SCAPER: variants seen among roughly 807,000 people sequenced by gnomAD.
The protein encoded by SCAPER is S-phase cyclin A associated protein in the ER.
SCAPER carries 98 observed loss-of-function variants against 182.2 expected under a neutral mutation model. The ratio of observed to expected loss-of-function variants is 0.54; its 90% confidence interval spans 0.46 to 0.64. The LOEUF is 0.64. Among genes scored for constraint, SCAPER ranks in the 30% least tolerant of loss-of-function variants. SCAPER has a pLI of 0.00. For synonymous variants in SCAPER, 605 were observed against 564.6 expected, an observed-to-expected ratio of 1.07 and a Z score of -1.01; for missense variants, 1,432 against 1,690.0, an observed-to-expected ratio of 0.85 and a Z score of 2.68.
chr15:76,819,730 C>T (rs902061304), intron 5 of SCAPER, among the ~76,000 whole-genome samples: 31 of 152,274 alleles, frequency 2.0e-4, no homozygotes, highest in Non-Finnish European at 2.8e-4. Flanking sequence ...CAAAGCTGGA[C>T]GGAGAATGAC....
chr15:76,894,699 G>A (rs1223994647), intron 1 of SCAPER, among the ~76,000 whole-genome samples: 2 of 151,926 alleles, frequency 1.3e-5, no homozygotes, highest in Non-Finnish European at 2.9e-5. Context: ...AAATGTAAGA[G>A]GAAACATTAC....
intron 26 of SCAPER, among the ~76,000 whole-genome samples, chr15:76,431,192 C>T (rs1048940069): frequency 1.6e-4 from 20 of 128,374 alleles, no homozygotes; most frequent in African/African-American, 6.2e-4. Flanking sequence ...AATACAGTTA[C>T]AATGTGCCAA....
intron 5 of SCAPER, among the ~76,000 whole-genome samples, chr15:76,822,628 T>G (rs1459776526): frequency 1.3e-5 from 2 of 152,232 alleles, no homozygotes; most frequent in Admixed American, 1.3e-4. Flanking sequence ...TACTGCACCA[T>G]TCACAATGAT....
intron 8 of SCAPER, among the ~76,000 whole-genome samples, chr15:76,789,139 T>C (rs903821153): frequency 1.1e-4 from 17 of 152,154 alleles, no homozygotes; most frequent in Admixed American, 1.0e-3. Flanking sequence ...TTAAATTATA[T>C]AATATCCAGT....
At chr15:76,749,272 A>G (rs1025471124) in intron 15 of SCAPER, among the ~76,000 whole-genome samples, 2 of 152,104 alleles carry the variant, frequency 1.3e-5, no homozygotes, top group African/African-American at 4.8e-5. Flanking sequence ...TTGACAAAAC[A>G]CCATGTGAAC....
chr15:76,738,199 G>A (rs2061371988), intron 15 of SCAPER, among the ~76,000 whole-genome samples: 1 of 151,970 alleles, frequency 6.6e-6, no homozygotes, highest in South Asian at 2.1e-4. Context: ...GAGTGCAGTG[G>A]CTCACTGCAG....
chr15:76,512,801 G>T (rs905126785), intron 23 of SCAPER, among the ~76,000 whole-genome samples: 1 of 148,254 alleles, frequency 6.7e-6, no homozygotes, highest in Non-Finnish European at 1.5e-5. Flanking sequence ...GCTATTCAGA[G>T]CCAACTTTTT....
At chr15:76,474,185 C>T (rs2143005545) in intron 24 of SCAPER, among the ~76,000 whole-genome samples, 1 of 152,228 alleles carries the variant, frequency 6.6e-6, no homozygotes, top group East Asian at 1.9e-4. Flanking sequence ...GGGGTAGGCT[C>T]CTGACATCTG....
intron 26 of SCAPER, among the ~76,000 whole-genome samples, chr15:76,413,729 G>T (rs911751588): frequency 6.6e-6 from 1 of 152,184 alleles, no homozygotes; most frequent in African/African-American, 2.4e-5. Flanking sequence ...GATTGTGGGG[G>T]TTTCCTCAGC....
chr15:76,800,413 A>C (rs1448435070), intron 6 of SCAPER, 49 bp from the exon 7 acceptor site: 2 of 1,173,824 alleles, frequency 1.7e-6, no homozygotes, highest in East Asian at 4.7e-5. Flanking sequence ...GAAAAGGGAG[A>C]AACAAATAAT....
At chr15:76,664,208 A>C (rs1241490944) in intron 21 of SCAPER, among the ~76,000 whole-genome samples, 2 of 152,182 alleles carry the variant, frequency 1.3e-5, no homozygotes, top group African/African-American at 4.8e-5. Context: ...TGCAGTGTTT[A>C]GAATATACAA....
intron 26 of SCAPER, among the ~76,000 whole-genome samples, chr15:76,408,212 T>C (rs8031672): frequency 0.84 from 128,248 of 152,158 alleles, 55,298 homozygotes; most frequent in Middle Eastern, 0.96. Context: ...TGAAAATGTA[T>C]GTATTTGTTG....
intron 8 of SCAPER, among the ~76,000 whole-genome samples, chr15:76,781,489 C>G (rs2064134531): frequency 6.6e-6 from 1 of 152,138 alleles, no homozygotes; most frequent in Non-Finnish European, 1.5e-5. Flanking sequence ...AGGAGAACTT[C>G]CCCAACCTAG....
intron 22 of SCAPER, among the ~76,000 whole-genome samples, chr15:76,581,212 T>G (rs1179706105): frequency 1.3e-5 from 2 of 152,206 alleles, no homozygotes; most frequent in Non-Finnish European, 2.9e-5. Context: ...GCTTCACTAC[T>G]GAGTTTAACC....
At chr15:76,853,018 TAAAA>T (rs2151839238) in intron 4 of SCAPER, among the ~76,000 whole-genome samples, 1 of 152,002 alleles carries the variant, frequency 6.6e-6, no homozygotes, top group East Asian at 1.9e-4. Flanking sequence ...CCCACAGAAA[TAAAA>T]ATAACCATCA....
chr15:76,746,380 T>G lies in SCAPER; in HGVS notation c.1866+7428A>C, dbSNP rs2061794449. Reference sequence around the variant, plus strand: ...AATCTGCACATGCAGAACCCACAGATACCAAGGCTCAACTGTATATGAAAA... The same window carrying G: ...AATCTGCACATGCAGAACCCACAGAGACCAAGGCTCAACTGTATATGAAAA... On this transcript the variant is annotated intron_variant, in intron 15 of 31. Transcript: ENST00000563290. Among the ~76,000 whole-genome samples the G allele has an allele frequency of 2.0e-5, 3 of 152,342 alleles. 1 individual carries two copies. In the South Asian group the frequency reaches 6.2e-4, roughly 32 times the overall value.
intron 15 of SCAPER, among the ~76,000 whole-genome samples, chr15:76,746,005 T>C (rs1031698003): frequency 2.6e-5 from 4 of 152,182 alleles, no homozygotes. Flanking sequence ...AGATTTACCC[T>C]TGCACTTTAA....
At chr15:76,454,501 T>G (rs1408392920) in intron 25 of SCAPER, among the ~76,000 whole-genome samples, 1 of 152,258 alleles carries the variant, frequency 6.6e-6, no homozygotes, top group African/African-American at 2.4e-5. Flanking sequence ...TTTGTGTTTA[T>G]CATTCCCTTG....
intron 22 of SCAPER, among the ~76,000 whole-genome samples, chr15:76,613,709 T>TA (rs2051201089): frequency 1.3e-5 from 2 of 152,190 alleles, no homozygotes; most frequent in Non-Finnish European, 2.9e-5. Context: ...CATAATGAGA[T>TA]ATCATGTCAT....
Sources: allele counts gnomAD v4.1 joint callset (sites outside exome capture counted in the v4.1 genomes callset), GRCh38; gene constraint gnomAD v4.1.1; transcripts MANE v1.5; gene names NCBI Gene and HGNC (gene_info 2026-07-23, HGNC 2026-07-21).